The following MGAM2 variants were observed in gnomAD, a reference collection of about 807,000 sequenced individuals.
The protein encoded by MGAM2 is maltase-glucoamylase 2 (putative), also known as probable maltase-glucoamylase 2.
MGAM2 carries 98 observed loss-of-function variants against 96.1 expected under a neutral mutation model. That is an observed-to-expected ratio of 1.02 (90% CI 0.87 to 1.21). MGAM2 has a LOEUF of 1.21. Ranked by LOEUF, MGAM2 falls within the 50% of genes most tolerant of loss-of-function variation. The probability of loss-of-function intolerance (pLI) is 0.00; values close to 1 mark genes in which losing one functional copy is unlikely to be tolerated. For synonymous variants in MGAM2, 749 were observed against 414.8 expected (o/e 1.81, Z -9.79); for missense variants, 2,055 against 1,182.4 (o/e 1.74, Z -10.82).
chr7:142,155,386 G>T (rs1795706361), intron 17 of MGAM2, among the ~76,000 whole-genome samples: 1 of 152,156 alleles, frequency 6.6e-6, no homozygotes, highest in Non-Finnish European at 1.5e-5. Context: ...ATGGAAGTGG[G>T]TTCAAAGTCC....
In MGAM2 at chr7:142,149,476, CTG is replaced by C. The variant is rs1258729229; in HGVS notation, c.1634+1904_1634+1905del. Among the ~76,000 whole-genome samples the C allele has an allele frequency of 5.9e-5, 9 of 151,982 alleles. No homozygotes were observed. The East Asian group carries it at 1.5e-3, about 26-fold the overall frequency. ...ATGATTTTAAAATCTATAATTATAC[CTG>C]AGATGTTTACCTAATTTTTAGACAC... On this transcript the variant is annotated intron_variant, in intron 15 of 47. Transcript: ENST00000477922.
intron 37 of MGAM2, among the ~76,000 whole-genome samples, chr7:142,195,813 C>T (rs1463051671): frequency 6.6e-6 from 1 of 152,078 alleles, no homozygotes; most frequent in East Asian, 1.9e-4. Context: ...TGTTATGAGA[C>T]ACCACATAGG....
chr7:142,114,169 A>AGAAG (rs1817289193), intron 1 of MGAM2, among the ~76,000 whole-genome samples: 1 of 113,558 alleles, frequency 8.8e-6, no homozygotes, highest in African/African-American at 5.1e-5. Context: ...AAAGAAAGAA[A>AGAAG]GAAAGAAAGA....
intron 40 of MGAM2, among the ~76,000 whole-genome samples, 153 bp from the exon 41 acceptor site, chr7:142,197,247 G>A (rs1797071838): frequency 6.6e-6 from 1 of 152,146 alleles, no homozygotes; most frequent in Admixed American, 6.5e-5. Context: ...TAATTTTGTA[G>A]GGTGGCAGAG....
chr7:142,180,836 A>G (rs959617810), intron 32 of MGAM2, among the ~76,000 whole-genome samples: 2 of 152,138 alleles, frequency 1.3e-5, no homozygotes, highest in African/African-American at 4.8e-5. Flanking sequence ...TCTGTTGTTA[A>G]TACTTGCAAT....
chr7:142,170,136 C>A lies in MGAM2; in HGVS notation c.3089C>A (p.Pro1030Gln), dbSNP rs1382127932. 2.8e-6 allele frequency: 2 copies of A among 702,800 alleles called. No individual in the cohort carries two copies. Among genetic ancestry groups the A allele is most frequent in the Non-Finnish European group, 5.2e-6 (2 of 384,962 alleles). The allele number at this position is 702,800 out of a possible 1,614,324, so 43.5% of individuals were successfully genotyped here. A position where few individuals can be genotyped will look rare whatever the true frequency, so the allele number is the denominator to read the frequency against. The change falls in exon 27 of 48, where the codon CCA (proline) becomes CAA (glutamine). Residue 1030 changes from proline to glutamine, a missense_variant. Coordinates refer to ENST00000477922, the MANE Select transcript of MGAM2 (RefSeq NM_001293626.2). ...GTACCACTGAACACCCCTCCCCAAC[C>A]AGTTGGTGACCCTGAAAACCGTCTG... Reference protein sequence around the residue: ...VPVPLNTPPQPVGDPENRLYD... With the variant: ...VPVPLNTPPQQVGDPENRLYD...
chr7:142,138,854 A>T (rs889085445), intron 10 of MGAM2, among the ~76,000 whole-genome samples, 187 bp downstream of exon 10: 3 of 152,218 alleles, frequency 2.0e-5, no homozygotes, highest in South Asian at 2.1e-4. Flanking sequence ...ATGAAGCCTG[A>T]TAGAGGTGGC....
intron 46 of MGAM2, among the ~76,000 whole-genome samples, chr7:142,209,066 C>G (rs566117497): frequency 6.6e-6 from 1 of 152,108 alleles, no homozygotes; most frequent in African/African-American, 2.4e-5. Context: ...CTTGGCTGAT[C>G]TTTGCTAGCT....
chr7:142,161,161 C>T lies in MGAM2; in HGVS notation c.2382C>T (p.Asp794=), dbSNP rs540833021. 53 of 702,776 alleles carry T rather than the reference C, an allele frequency of 7.5e-5. No individual in the cohort carries two copies. The highest frequency in any genetic ancestry group is 3.0e-4 in the Admixed American group (15 of 50,006). The allele number at this position is 702,776 out of a possible 1,614,324, so 43.5% of individuals were successfully genotyped here. A position where few individuals can be genotyped will look rare whatever the true frequency, so the allele number is the denominator to read the frequency against. ...RNSLGLIIAL[D]YKREAKGELY... ...CCCTGGGACTCATCATCGCCTTGGA[C>T]TATAAGAGAGAAGCAAAGGGGGAGC... The change falls in exon 22 of 48, where the codon GAC becomes GAT. Residue 794 remains aspartate, a synonymous_variant. Coordinates refer to ENST00000477922, the MANE Select transcript of MGAM2 (RefSeq NM_001293626.2).
intron 46 of MGAM2, among the ~76,000 whole-genome samples, chr7:142,215,688 G>GC (rs1797736837): frequency 6.6e-6 from 1 of 150,530 alleles, no homozygotes; most frequent in Non-Finnish European, 1.5e-5. Context: ...AACCTGGGAG[G>GC]CAGAGGTTGT....
In MGAM2 at chr7:142,130,965, A is replaced by G. The variant is rs1044733181; in HGVS notation, c.204A>G (p.Gln68=). The G allele has an allele frequency of 3.1e-5, 22 of 702,610 alleles. No homozygotes were observed. Among genetic ancestry groups the G allele is most frequent in the Admixed American group, 1.8e-4 (9 of 49,994 alleles). The allele number at this position is 702,610 out of a possible 1,614,324, so 43.5% of individuals were successfully genotyped here. A position where few individuals can be genotyped will look rare whatever the true frequency, so the allele number is the denominator to read the frequency against. Residue 68 remains glutamine (Q), a synonymous_variant, in exon 4 of 48, where the codon CAA becomes CAG. Coordinates refer to ENST00000477922, the MANE Select transcript of MGAM2 (RefSeq NM_001293626.2). The part of the protein sequence containing the change: ...QEVTEDICRW[Q]YKCCWSPVAD... ...TGTTACAGGATATCTGCAGATGGCA[A>G]TATAAGTGCTGCTGGTCGCCTGTGG...
intron 35 of MGAM2, among the ~76,000 whole-genome samples, chr7:142,187,228 C>T (rs1796727059): frequency 2.0e-5 from 3 of 152,168 alleles, no homozygotes; most frequent in African/African-American, 7.2e-5. Context: ...ATATTTATAG[C>T]AGAAAGTGAG....
In MGAM2 at chr7:142,148,805, T is replaced by C. The variant is rs1486831310; in HGVS notation, c.1634+1232T>C. Among the ~76,000 whole-genome samples the C allele has an allele frequency of 3.3e-5, 5 of 152,200 alleles. No homozygotes were observed. The highest frequency in any genetic ancestry group is 5.9e-5 in the Non-Finnish European group (4 of 68,038). Reference sequence around the variant, plus strand: ...GTGTTTCTAGAGCACTGTTGTGCTCTACAAGACAGGGAGACTTTGATGGGT... The same window carrying C: ...GTGTTTCTAGAGCACTGTTGTGCTCCACAAGACAGGGAGACTTTGATGGGT... On this transcript the variant is annotated intron_variant, in intron 15 of 47. Coordinates refer to ENST00000477922, the MANE Select transcript of MGAM2 (RefSeq NM_001293626.2). The surrounding 1 kb of genome is among the most constrained non-coding windows in gnomAD (Gnocchi z 4.2).
At chr7:142,127,029 T>C (rs528533215) in intron 3 of MGAM2, among the ~76,000 whole-genome samples, 1 of 152,380 alleles carries the variant, frequency 6.6e-6, no homozygotes, top group South Asian at 2.1e-4. Context: ...TCTGTCTTCC[T>C]GTCCTTGCAG....
At chr7:142,136,669 G>A in intron 8 of MGAM2, 29 bp downstream of exon 8, 1 of 672,678 alleles carries the variant, frequency 1.5e-6, no homozygotes, top group Non-Finnish European at 2.7e-6. Context: ...TCTTCTGTAG[G>A]TAGGAATACG....
intron 7 of MGAM2, among the ~76,000 whole-genome samples, chr7:142,135,678 C>G (rs893865739): frequency 4.6e-5 from 7 of 151,540 alleles, no homozygotes; most frequent in African/African-American, 1.7e-4. Context: ...AAAACGTTCT[C>G]CGTATTCTAA....
At position 142,220,960 on chromosome 7, in the gene MGAM2, C is replaced by T. The variant is rs1797908049; in HGVS notation, c.6449C>T (p.Thr2150Ile). 1 of 701,886 alleles carries T rather than the reference C, an allele frequency of 1.4e-6. No homozygotes were observed. Among genetic ancestry groups the T allele is most frequent in the South Asian group, 1.5e-5 (1 of 67,522 alleles). The allele number at this position is 701,886 out of a possible 1,614,324, so 43.5% of individuals were successfully genotyped here. A position where few individuals can be genotyped will look rare whatever the true frequency, so the allele number is the denominator to read the frequency against. ...NISTPVQTNT[T>I]NASTSTNVAN... ...AGTACTCCTGTTCAAACAAATACTA[C>T]TAATGCTAGCACTAGTACTAATGTT... The change falls in exon 48 of 48, where the codon ACT becomes ATT. Residue 2150 changes from threonine to isoleucine, a missense_variant. Transcript: ENST00000477922.
At chr7:142,194,481 T>G (rs1796965678) in intron 37 of MGAM2, among the ~76,000 whole-genome samples, 1 of 152,206 alleles carries the variant, frequency 6.6e-6, no homozygotes, top group Admixed American at 6.5e-5. Context: ...CAGGCCTTCA[T>G]TATCTCTCAT....
At chr7:142,133,763 A>T (rs553123358) in intron 6 of MGAM2, among the ~76,000 whole-genome samples, 1 of 152,098 alleles carries the variant, frequency 6.6e-6, no homozygotes, top group African/African-American at 2.4e-5. Flanking sequence ...TCTTTCCCCA[A>T]TTGTCCAACC....
Sources: allele counts gnomAD v4.1 joint callset (sites outside exome capture counted in the v4.1 genomes callset), GRCh38; gene constraint gnomAD v4.1.1; non-coding constraint Gnocchi (gnomAD v3.1); transcripts MANE v1.5; gene names NCBI Gene and HGNC (gene_info 2026-07-23, HGNC 2026-07-21).